PHF3: variants seen among roughly 807,000 people sequenced by gnomAD.
The protein encoded by PHF3 is PHD finger protein 3.
Under a neutral mutation model 178.4 loss-of-function variants are expected in PHF3, and 41 were observed. The observed-to-expected ratio is 0.23, with a 90% CI of 0.18 to 0.30. The LOEUF is 0.30. Among genes scored for constraint, PHF3 ranks in the 10% least tolerant of loss-of-function variants. The pLI, the probability that PHF3 is intolerant of heterozygous loss-of-function variation, is 1.00. For synonymous variants in PHF3, 842 were observed against 800.5 expected (o/e 1.05, Z -0.88); for missense variants, 2,346 against 2,398.1 (o/e 0.98, Z 0.45).
chr6:63,686,112 A>G (rs984175014), intron 4 of PHF3: 3 of 522,450 alleles, frequency 5.7e-6, no homozygotes, highest in East Asian at 6.1e-5. Context: ...TAGAACATTT[A>G]AAAAAGCATA....
chr6:63,673,791 G>A (rs72884665), intron 2 of PHF3, among the ~76,000 whole-genome samples: 1,799 of 152,220 alleles, frequency 0.012, 13 homozygotes, highest in Middle Eastern at 0.02. Flanking sequence ...AGTAGCAAAT[G>A]GGCACCAAAC....
chr6:63,659,153 C>T (rs538241002), intron 2 of PHF3, among the ~76,000 whole-genome samples: 64 of 152,216 alleles, frequency 4.2e-4, no homozygotes, highest in Admixed American at 1.6e-3. Context: ...TCTCTCACCA[C>T]AAAAAAGTTG....
rs1212399037 is a variant in PHF3, at chr6:63,680,045, G to GT, written c.291dup (p.Gly98TrpfsTer3). ...ATGGATGAAGGAGTTGTTAAAGAAAGTGGCAATGATACCATTGATGAAGAA... is the reference window on the plus strand; with the variant it reads ...ATGGATGAAGGAGTTGTTAAAGAAAGTTGGCAATGATACCATTGATGAAGAA... On this transcript the variant is annotated frameshift_variant, in exon 3 of 16. Transcript: ENST00000262043. LOFTEE classifies it high-confidence loss of function. 6.2e-7 allele frequency: 1 copy of GT among 1,612,586 alleles called. No individual in the cohort carries two copies. Among genetic ancestry groups the GT allele is most frequent in the African/African-American group, 1.3e-5 (1 of 74,858 alleles).
Position 63,718,458 on chromosome 6 carries a change from A to T in PHF3, c.*4750A>T, listed in dbSNP as rs1283043449. ...ACGTTAAAAATATTTGTTAATGATA[A>T]TCTCATCTGTTAATGTAACATTTAT... is the stretch of plus-strand genomic sequence containing the variant. On this transcript the variant is annotated 3_prime_UTR_variant, in exon 16 of 16. Coordinates refer to ENST00000262043, the MANE Select transcript of PHF3 (RefSeq NM_001370348.2). Among the ~76,000 whole-genome samples the T allele has an allele frequency of 6.6e-6, 1 of 152,048 alleles. No homozygotes were observed. The highest frequency in any genetic ancestry group is 1.9e-4 in the East Asian group (1 of 5,198).
intron 2 of PHF3, among the ~76,000 whole-genome samples, chr6:63,669,330 G>A (rs3778648): frequency 0.078 from 11,892 of 152,138 alleles, 534 homozygotes; most frequent in East Asian, 0.16. Flanking sequence ...TTACTTATTA[G>A]CAACATCCTT....
In PHF3 at chr6:63,725,339, CGTT is replaced by C. The variant is rs1313657030; in HGVS notation, c.*11634_*11636del. Among the ~76,000 whole-genome samples the C allele has an allele frequency of 6.6e-6, 1 of 151,648 alleles. No individual in the cohort carries two copies. The highest frequency in any genetic ancestry group is 1.5e-5 in the Non-Finnish European group (1 of 67,946). On this transcript the variant is annotated 3_prime_UTR_variant, in exon 16 of 16. Transcript: ENST00000262043. Reference sequence around the variant, plus strand: ...TTCATATACACAAACAAATATGTATCGTTGTACTGATTATAAAACTGTAGTACA... The same window carrying C: ...TTCATATACACAAACAAATATGTATCGTACTGATTATAAAACTGTAGTACA...
At chr6:63,697,588 G>A (rs1359486134) in intron 6 of PHF3, among the ~76,000 whole-genome samples, 1 of 152,094 alleles carries the variant, frequency 6.6e-6, no homozygotes, top group East Asian at 1.9e-4. Flanking sequence ...CAGGGTTGTG[G>A]TTTTGCCAAC....
Position 63,717,368 on chromosome 6 carries a change from C to T in PHF3, c.*3660C>T, listed in dbSNP as rs994010625. Among the ~76,000 whole-genome samples, 2 of 152,050 alleles carry T rather than the reference C, an allele frequency of 1.3e-5. No homozygotes were observed. The highest frequency in any genetic ancestry group is 4.8e-5 in the African/African-American group (2 of 41,412). ...GTTGTACTATGCTTATCTCAGATCC[C>T]TGTAACACTGGTCAGGCTACAACTT... On this transcript the variant is annotated 3_prime_UTR_variant, in exon 16 of 16. Coordinates refer to ENST00000262043, the MANE Select transcript of PHF3 (RefSeq NM_001370348.2).
chr6:63,710,486 C>T (rs887760410), intron 14 of PHF3, among the ~76,000 whole-genome samples: 3 of 152,064 alleles, frequency 2.0e-5, no homozygotes, highest in Admixed American at 6.6e-5. Context: ...TCTCCCATTT[C>T]GGCCATATAC....
At chr6:63,698,750 CTT>C in intron 8 of PHF3, 145 bp downstream of exon 8, 1 of 541,992 alleles carries the variant, frequency 1.8e-6, no homozygotes, top group African/African-American at 1.9e-5. Context: ...TTTTAATAGT[CTT>C]TTTGCTACTG....
rs751610535 is a variant in PHF3 at position 63,721,521 on chromosome 6, A to G, written c.*7813A>G. The G allele has an allele frequency of 4.7e-5, 73 of 1,551,258 alleles. No homozygotes were observed. The highest frequency in any genetic ancestry group is 6.1e-5 in the Non-Finnish European group (70 of 1,146,636). ...TTGAAAACCTACAGGTTCATTTTCT[A>G]TTGCCATGGGATTTACAAGATTTAA... is the stretch of plus-strand genomic sequence containing the variant. On this transcript the variant is annotated 3_prime_UTR_variant, in exon 16 of 16. Transcript: ENST00000262043.
chr6:63,693,929 T>C (rs868188821), intron 5 of PHF3, among the ~76,000 whole-genome samples: 28 of 152,248 alleles, frequency 1.8e-4, no homozygotes, highest in African/African-American at 6.5e-4. Flanking sequence ...CTCAAGAATG[T>C]CTAGTTGCAG....
chr6:63,709,171 A>G lies in PHF3; in HGVS notation c.3732A>G (p.Gln1244=). The change falls in exon 14 of 16, where the codon CAA becomes CAG. Residue 1244 remains glutamine (Q), a synonymous_variant. Transcript: ENST00000262043. ...CATAGGACCTACCAGATAGTATTCA[A>G]GTAGGTGGCAGGATATCACCTCAGA... is the stretch of plus-strand genomic sequence containing the variant. ...YLTEDLPDSI[Q]VGGRISPQTV... is the part of the protein sequence containing the mutation. The G allele has an allele frequency of 6.2e-7, 1 of 1,602,948 alleles. No homozygotes were observed. Among genetic ancestry groups the G allele is most frequent in the Non-Finnish European group, 8.5e-7 (1 of 1,171,280 alleles).
At chr6:63,676,053 A>G (rs1221948191) in intron 2 of PHF3, among the ~76,000 whole-genome samples, 3 of 151,914 alleles carry the variant, frequency 2.0e-5, no homozygotes, top group Non-Finnish European at 4.4e-5. Context: ...TTTTTCCTTC[A>G]TGTCTTCAAT....
chr6:63,691,859 C>T lies in PHF3; in HGVS notation c.2312C>T (p.Ala771Val). 2.5e-6 allele frequency: 4 copies of T among 1,613,456 alleles called. No individual in the cohort carries two copies. Among genetic ancestry groups the T allele is most frequent in the Non-Finnish European group, 3.4e-6 (4 of 1,179,876 alleles). The change falls in exon 5 of 16, where the codon GCT (alanine) becomes GTT (valine). Residue 771 changes from alanine to valine, a missense_variant. Ala to Val is a moderately conservative substitution (Grantham distance 64). Coordinates refer to ENST00000262043, the MANE Select transcript of PHF3 (RefSeq NM_001370348.2). ...DKEYVCVKCC[A>V]EEDKKTEILD... ...GAATATGTCTGTGTAAAATGTTGTGCTGAAGAAGACAAAAAGACTGAAATA... is the reference window on the plus strand; with the variant it reads ...GAATATGTCTGTGTAAAATGTTGTGTTGAAGAAGACAAAAAGACTGAAATA...
Position 63,635,817 on chromosome 6 carries a change from C to T in PHF3, c.-359C>T, listed in dbSNP as rs1251000719. On this transcript the variant is annotated 5_prime_UTR_variant, in exon 1 of 16. Transcript: ENST00000262043. ...AACGGTAAACAGTGGGGTCACGTGACACGGCCCCTCTCCAGCTCCCGCGCC... is the reference window on the plus strand; with the variant it reads ...AACGGTAAACAGTGGGGTCACGTGATACGGCCCCTCTCCAGCTCCCGCGCC... The T allele has an allele frequency of 2.8e-5, 11 of 394,804 alleles. No individual in the cohort carries two copies. The highest frequency in any genetic ancestry group is 1.4e-4 in the African/African-American group (7 of 48,532). The allele number at this position is 394,804 out of a possible 1,614,324, so 24.5% of individuals were successfully genotyped here.
chr6:63,672,598 T>C (rs1034910722), intron 2 of PHF3, among the ~76,000 whole-genome samples: 2 of 152,228 alleles, frequency 1.3e-5, no homozygotes, highest in African/African-American at 4.8e-5. Context: ...ATGGTTAGGT[T>C]TCTACTGCTC....
intron 1 of PHF3, among the ~76,000 whole-genome samples, chr6:63,637,322 C>T (rs932899434): frequency 6.6e-6 from 1 of 152,142 alleles, no homozygotes; most frequent in African/African-American, 2.4e-5. Context: ...AAAGGCCTAA[C>T]AAAACTACGC....
Position 63,725,061 on chromosome 6 carries a change from G to A in PHF3, c.*11353G>A, listed in dbSNP as rs1768558627. ...AAAAATAAGTTTATGCCTTTCATCT[G>A]ATAATTGTTTTTGGTTAATCTAGGT... On this transcript the variant is annotated 3_prime_UTR_variant, in exon 16 of 16. Coordinates refer to ENST00000262043, the MANE Select transcript of PHF3 (RefSeq NM_001370348.2). Among the ~76,000 whole-genome samples, 1 of 152,030 alleles carries A rather than the reference G, an allele frequency of 6.6e-6. No homozygotes were observed. Among genetic ancestry groups the A allele is most frequent in the African/African-American group, 2.4e-5 (1 of 41,414 alleles).
Sources: gnomAD v4.1 joint callset for allele counts (sites outside exome capture counted in the v4.1 genomes callset) on GRCh38, gnomAD v4.1.1 for gene constraint, MANE v1.5 for transcripts, NCBI Gene and HGNC (gene_info 2026-07-23, HGNC 2026-07-21) for gene names.